The following ZSCAN12 variants were observed in gnomAD, a reference collection of about 807,000 sequenced individuals.
The protein encoded by ZSCAN12 is zinc finger and SCAN domain-containing protein 12.
In ZSCAN12, 18 loss-of-function variants were observed where a neutral mutation model predicts 23.4. The ratio of observed to expected loss-of-function variants is 0.77; its 90% confidence interval spans 0.53 to 1.14. ZSCAN12 has a LOEUF of 1.14. Among genes scored for constraint, ZSCAN12 ranks in the 50% most tolerant of loss-of-function variants. The probability of loss-of-function intolerance (pLI) is 0.00; values close to 1 mark genes in which losing one functional copy is unlikely to be tolerated. For synonymous variants in ZSCAN12, 186 were observed against 253.4 expected, an observed-to-expected ratio of 0.73 and a Z score of 2.53; for missense variants, 650 against 735.0, an observed-to-expected ratio of 0.88 and a Z score of 1.34.
downstream of ZSCAN12, chr6:28,381,810 C>A (rs1760257913): frequency 6.6e-6 from 1 of 152,174 alleles, no homozygotes. Context: ...CTTGTTATAT[C>A]ATTTAGCCTG....
intron 3 of ZSCAN12, among the ~76,000 whole-genome samples, chr6:28,392,403 C>T (rs182587331): frequency 2.6e-5 from 4 of 152,268 alleles, no homozygotes; most frequent in East Asian, 3.9e-4. Flanking sequence ...GTCTCGAACT[C>T]CTGACCTCGT....
At chr6:28,379,821 T>C (rs1399072734), downstream of ZSCAN12, 2 of 151,978 alleles carry the variant, frequency 1.3e-5, no homozygotes, top group African/African-American at 4.8e-5. Flanking sequence ...AAAAAGAAAA[T>C]AATATATATA....
rs1205025178 is a variant in ZSCAN12, at chr6:28,387,248, C to T, written c.*3206G>A. 6.6e-6 allele frequency among the ~76,000 whole-genome samples: 1 copy of T among 152,038 alleles called. No individual in the cohort carries two copies. Among genetic ancestry groups the T allele is most frequent in the East Asian group, 1.9e-4 (1 of 5,192 alleles). On this transcript the variant is annotated 3_prime_UTR_variant, in exon 4 of 4. Coordinates refer to ENST00000684592, the MANE Select transcript of ZSCAN12 (RefSeq NM_001163391.2). ...TATATAAGAAAGATTAAGTAGTGTG[C>T]AGAAAGGCAAATGGAGGAATGTGCG...
In ZSCAN12 at chr6:28,390,990, C is replaced by G; in HGVS notation, c.1300G>C (p.Glu434Gln). Residue 434 changes from glutamate to glutamine, a missense_variant, in exon 4 of 4, where the codon GAA becomes CAA. Glu to Gln is a conservative substitution (Grantham distance 29). Coordinates refer to ENST00000684592, the MANE Select transcript of ZSCAN12 (RefSeq NM_001163391.2). ...TAGCATTTTTCTTTGTGGTGGATTT[C>G]CTGATGGGAAACAAGGGATGAGTTA... Reference protein sequence around the residue: ...VYNSSLVSHQEIHHKEKCYQC... With the variant: ...VYNSSLVSHQQIHHKEKCYQC... The G allele has an allele frequency of 6.4e-7, 1 of 1,556,080 alleles. No individual in the cohort carries two copies. The highest frequency in any genetic ancestry group is 8.7e-7 in the Non-Finnish European group (1 of 1,149,368).
In ZSCAN12 at chr6:28,390,105, G is replaced by A. The variant is rs1283875800; in HGVS notation, c.*349C>T. 6.6e-6 allele frequency among the ~76,000 whole-genome samples: 1 copy of A among 151,622 alleles called. No individual in the cohort carries two copies. On this transcript the variant is annotated 3_prime_UTR_variant, in exon 4 of 4. Coordinates refer to ENST00000684592, the MANE Select transcript of ZSCAN12 (RefSeq NM_001163391.2). ...ATAAAATCTTTCTTGACCACTCCAG[G>A]CAAAAGTAACCTGTCCTTTAGAATT... is the stretch of plus-strand genomic sequence containing the variant.
At chr6:28,394,014 T>A (rs1446875021) in intron 2 of ZSCAN12, among the ~76,000 whole-genome samples, 1 of 152,226 alleles carries the variant, frequency 6.6e-6, no homozygotes, top group Admixed American at 6.5e-5. Flanking sequence ...CTTCTCTTTT[T>A]CAAGGCTTAC....
exon 5 of ZSCAN12, chr6:28,379,267 C>T (rs1760098811): frequency 6.6e-6 from 1 of 152,080 alleles, no homozygotes; most frequent in Non-Finnish European, 1.5e-5. Flanking sequence ...AAATATCAGT[C>T]ATTATCTGTC....
At chr6:28,382,584 G>A (rs1354319052), downstream of ZSCAN12, 1 of 1,551,650 alleles carries the variant, frequency 6.4e-7, no homozygotes. Flanking sequence ...TTTTTCAGAA[G>A]TATTTCCTTG....
downstream of ZSCAN12, among the ~76,000 whole-genome samples, chr6:28,383,355 C>G (rs1419214859): frequency 6.6e-6 from 1 of 152,178 alleles, no homozygotes; most frequent in Admixed American, 6.5e-5. Context: ...CCGGAGCGCA[C>G]GAATCTGAAA....
chr6:28,395,428 T>C (rs146848264), intron 2 of ZSCAN12, among the ~76,000 whole-genome samples: 18 of 152,294 alleles, frequency 1.2e-4, no homozygotes, highest in Admixed American at 9.2e-4. Context: ...CTCCAAAATA[T>C]ATCCAGAATC....
At chr6:28,395,366 CTT>C (rs1284795970) in intron 2 of ZSCAN12, among the ~76,000 whole-genome samples, 2 of 152,186 alleles carry the variant, frequency 1.3e-5, no homozygotes, top group African/African-American at 4.8e-5. Context: ...CCTTAACTTA[CTT>C]TCTCTCATAT....
In ZSCAN12 at chr6:28,388,031, G is replaced by C. The variant is rs1451159229; in HGVS notation, c.*2423C>G. Reference sequence around the variant, plus strand: ...TTGGAGCCGCAAGCAGCTGAACCTTGGTTTGGTTACAAGTTTGCATTCTCA... The same window carrying C: ...TTGGAGCCGCAAGCAGCTGAACCTTCGTTTGGTTACAAGTTTGCATTCTCA... On this transcript the variant is annotated 3_prime_UTR_variant, in exon 4 of 4. Transcript: ENST00000684592. 1.2e-4 allele frequency among the ~76,000 whole-genome samples: 18 copies of C among 152,154 alleles called. No individual in the cohort carries two copies. Among genetic ancestry groups the C allele is most frequent in the Admixed American group, 1.2e-3 (18 of 15,276 alleles).
At position 28,385,396 on chromosome 6, in the gene ZSCAN12, G is replaced by A. The variant is rs996758302; in HGVS notation, c.*5058C>T. 5.3e-5 allele frequency among the ~76,000 whole-genome samples: 8 copies of A among 152,174 alleles called. No homozygotes were observed. The highest frequency in any genetic ancestry group is 1.7e-4 in the African/African-American group (7 of 41,436). On this transcript the variant is annotated 3_prime_UTR_variant, in exon 4 of 4. Transcript: ENST00000684592. ...CCTCATCCAAGATTTGGTATGCAGA[G>A]GGGGTGATAATATTATTACCTGAGG...
downstream of ZSCAN12, chr6:28,381,921 A>G (rs13213152): frequency 0.05 from 7,672 of 152,336 alleles, 315 homozygotes; most frequent in Non-Finnish European, 0.088. Flanking sequence ...ATATAGAAAG[A>G]GGAGGTCCCA....
downstream of ZSCAN12, among the ~76,000 whole-genome samples, chr6:28,382,761 G>A (rs536207391): frequency 6.6e-6 from 1 of 152,294 alleles, no homozygotes; most frequent in African/African-American, 2.4e-5. Context: ...CAAATTATTA[G>A]CTAGCCCCAT....
downstream of ZSCAN12, among the ~76,000 whole-genome samples, chr6:28,382,773 T>G (rs909722223): frequency 2.6e-5 from 4 of 152,224 alleles, no homozygotes; most frequent in African/African-American, 9.6e-5. Flanking sequence ...TAGCCCCATC[T>G]GCTAGCCTTT....
chr6:28,393,452 T>G (rs1760958240), intron 2 of ZSCAN12, among the ~76,000 whole-genome samples: 1 of 138,018 alleles, frequency 7.2e-6, no homozygotes, highest in African/African-American at 2.8e-5. Flanking sequence ...TATGTAAAGG[T>G]AAATAATGTA....
rs1361385 is a variant in ZSCAN12, at chr6:28,390,543, A to G, written c.1747T>C (p.Cys583Arg). The G allele has an allele frequency of 0.32, 504,564 of 1,565,492 alleles. 83,952 individuals carry two copies. Among genetic ancestry groups the G allele is most frequent in the African/African-American group, 0.5 (36,423 of 73,218 alleles). ...CTGAATGATTTCCCACACTCTTTAC[A>G]TACATAGGTACCACGTCTATTATGG... ...RIHNRRGTYV[C>R]KECGKSFRQN... Residue 583 changes from cysteine (C) to arginine (R), a missense_variant, in exon 4 of 4, where the codon TGT (cysteine) becomes CGT (arginine). By Grantham distance (180) the Cys-to-Arg change is radical. Transcript: ENST00000684592.
Position 28,391,344 on chromosome 6 carries a change from C to T in ZSCAN12, c.946G>A (p.Val316Met), listed in dbSNP as rs1581775597. The change falls in exon 4 of 4, where the codon GTG (valine) becomes ATG (methionine). Residue 316 changes from valine (V) to methionine (M), a missense_variant. By Grantham distance (21) the Val-to-Met change is conservative. Transcript: ENST00000684592. The surrounding 1 kb of genome is among the most constrained non-coding windows in gnomAD (Gnocchi z 4.1). ...TGTATTATTTTGTGTCGAATAAGCA[C>T]AGTTCTCCCACGGAAAGCTTTTCCA... is the stretch of plus-strand genomic sequence containing the variant. ...ECGKAFRGRT[V>M]LIRHKIIHTG... is the part of the protein sequence containing the mutation. 1 of 1,552,130 alleles carries T rather than the reference C, an allele frequency of 6.4e-7. No homozygotes were observed. The highest frequency in any genetic ancestry group is 1.2e-5 in the South Asian group (1 of 84,056).
Sources: allele counts gnomAD v4.1 joint callset (sites outside exome capture counted in the v4.1 genomes callset), GRCh38; gene constraint gnomAD v4.1.1; non-coding constraint Gnocchi (gnomAD v3.1); transcripts MANE v1.5; gene names NCBI Gene and HGNC (gene_info 2026-07-23, HGNC 2026-07-21).